The following PDE3A variants were observed in gnomAD, a reference collection of about 807,000 sequenced individuals.
PDE3A encodes the protein phosphodiesterase 3A.
PDE3A carries 43 observed loss-of-function variants against 98.3 expected under a neutral mutation model. That is an observed-to-expected ratio of 0.44 (90% confidence interval 0.34 to 0.56). PDE3A has a LOEUF of 0.56. Among genes scored for constraint, PDE3A ranks in the 20% least tolerant of loss-of-function variants. The pLI, the probability that PDE3A is intolerant of heterozygous loss-of-function variation, is 0.01. For missense variants in PDE3A, 1,427 were observed against 1,440.7 expected (o/e 0.99, Z 0.15); for synonymous variants, 663 against 567.9 (o/e 1.17, Z -2.38).
At chr12:20,577,513 A>G (rs1942963745) in intron 2 of PDE3A, among the ~76,000 whole-genome samples, 1 of 152,166 alleles carries the variant, frequency 6.6e-6, no homozygotes, top group Non-Finnish European at 1.5e-5. Context: ...ATTCAGTTTA[A>G]TGTGTGTTTT....
intron 14 of PDE3A, among the ~76,000 whole-genome samples, chr12:20,651,761 T>C (rs1944923306): frequency 1.1e-5 from 1 of 88,274 alleles, no homozygotes; most frequent in Non-Finnish European, 2.3e-5. Flanking sequence ...ATATATAGAA[T>C]GAAAGATTTT....
intron 4 of PDE3A, among the ~76,000 whole-genome samples, chr12:20,618,627 A>G (rs1352020973): frequency 2.0e-5 from 3 of 152,106 alleles, no homozygotes; most frequent in Non-Finnish European, 4.4e-5. Context: ...TTAGCCTGCC[A>G]GAATCTCTGT....
In PDE3A at chr12:20,542,162, A is replaced by G. The variant is rs550650691; in HGVS notation, c.961-14498A>G. Among the ~76,000 whole-genome samples, 13 of 152,194 alleles carry G rather than the reference A, an allele frequency of 8.5e-5. No homozygotes were observed. In the East Asian group the frequency reaches 2.3e-3, roughly 27 times the overall value. ...TTTTGCTGAAGGTTTCTTGGCACTT[A>G]TGAAAACTTCATTGAATGAAATAAG... On this transcript the variant is annotated intron_variant, in intron 1 of 15. Transcript: ENST00000359062.
At chr12:20,381,789 ATC>A (rs1386109431) in intron 1 of PDE3A, among the ~76,000 whole-genome samples, 2 of 151,910 alleles carry the variant, frequency 1.3e-5, no homozygotes, top group Non-Finnish European at 2.9e-5. Flanking sequence ...GTTATTTAAT[ATC>A]TCTGAACTTT....
intron 1 of PDE3A, among the ~76,000 whole-genome samples, chr12:20,408,675 G>A (rs1045235683): frequency 1.3e-5 from 2 of 151,894 alleles, no homozygotes; most frequent in Non-Finnish European, 2.9e-5. Context: ...TTCCATGTTT[G>A]TATTTTGTAA....
intron 2 of PDE3A, among the ~76,000 whole-genome samples, chr12:20,572,392 T>A (rs560283954): frequency 2.6e-5 from 4 of 152,232 alleles, no homozygotes; most frequent in African/African-American, 7.2e-5. Context: ...CTAGAATGAT[T>A]TTTTAAGATG....
intron 1 of PDE3A, among the ~76,000 whole-genome samples, chr12:20,474,692 G>A (rs1945497970): frequency 6.6e-6 from 1 of 152,056 alleles, no homozygotes; most frequent in Non-Finnish European, 1.5e-5. Flanking sequence ...ATCTTCAAAG[G>A]CAGCAGTTTA....
intron 15 of PDE3A, among the ~76,000 whole-genome samples, chr12:20,673,017 A>G (rs928983221): frequency 3.6e-4 from 54 of 151,532 alleles, no homozygotes; most frequent in African/African-American, 1.3e-3. Flanking sequence ...AAAACAAACA[A>G]CCCCATCAAA....
At chr12:20,507,956 G>A (rs367543303) in intron 1 of PDE3A, among the ~76,000 whole-genome samples, 2 of 152,144 alleles carry the variant, frequency 1.3e-5, no homozygotes, top group African/African-American at 4.8e-5. Flanking sequence ...GTCAGTTAAT[G>A]TCACTCCTCT....
intron 1 of PDE3A, chr12:20,551,891 T>C: frequency 6.2e-7 from 1 of 1,613,452 alleles, no homozygotes; most frequent in East Asian, 2.2e-5. Context: ...TACGGACCCA[T>C]CCCGGGGATC....
At position 20,657,657 on chromosome 12, in the gene PDE3A, A is replaced by G. The variant is rs377353335; in HGVS notation, c.3184+3452A>G. ...TCCTTTCAAAAGGTTCCAGTACAGA[A>G]CAATTTGGCTCCCAATACAGGCATG... On this transcript the variant is annotated intron_variant, in intron 15 of 15. Transcript: ENST00000359062. Among the ~76,000 whole-genome samples, 39 of 152,324 alleles carry G rather than the reference A, an allele frequency of 2.6e-4. No homozygotes were observed. The East Asian group carries it at 5.8e-3, about 23-fold the overall frequency.
At chr12:20,603,715 C>T (rs981569510) in intron 2 of PDE3A, among the ~76,000 whole-genome samples, 1 of 152,070 alleles carries the variant, frequency 6.6e-6, no homozygotes, top group Non-Finnish European at 1.5e-5. Context: ...AATGTTTCAC[C>T]AACAATAATG....
intron 2 of PDE3A, among the ~76,000 whole-genome samples, chr12:20,605,451 A>G (rs1016628713): frequency 2.6e-5 from 4 of 152,214 alleles, no homozygotes; most frequent in Non-Finnish European, 5.9e-5. Context: ...TTTTAAATGT[A>G]AAATGCTTAA....
chr12:20,527,009 C>A (rs961856613), intron 1 of PDE3A, among the ~76,000 whole-genome samples: 3 of 151,656 alleles, frequency 2.0e-5, no homozygotes, highest in Admixed American at 2.0e-4. Flanking sequence ...ACCTCCGCCT[C>A]CCAGGTTCAA....
chr12:20,442,927 G>A (rs1944893168), intron 1 of PDE3A, among the ~76,000 whole-genome samples: 2 of 151,962 alleles, frequency 1.3e-5, no homozygotes, highest in Admixed American at 6.6e-5. Context: ...AAAATAGGTT[G>A]CATTATTCTT....
chr12:20,431,865 A>C (rs1944704648), intron 1 of PDE3A, among the ~76,000 whole-genome samples: 2 of 152,224 alleles, frequency 1.3e-5, no homozygotes, highest in Admixed American at 6.5e-5. Flanking sequence ...CACATTTTGC[A>C]GTTGTTGTAA....
At chr12:20,483,344 G>A (rs1945666915) in intron 1 of PDE3A, among the ~76,000 whole-genome samples, 1 of 151,996 alleles carries the variant, frequency 6.6e-6, no homozygotes, top group Non-Finnish European at 1.5e-5. Flanking sequence ...AGCCGAGATC[G>A]CACCACTGCA....
At chr12:20,642,428 G>C (rs545115026) in intron 10 of PDE3A, among the ~76,000 whole-genome samples, 2 of 152,192 alleles carry the variant, frequency 1.3e-5, no homozygotes, top group African/African-American at 2.4e-5. Context: ...ATAAATTAAT[G>C]TATGGTGAAT....
At chr12:20,672,160 A>G (rs1321147856) in intron 15 of PDE3A, among the ~76,000 whole-genome samples, 1 of 149,610 alleles carries the variant, frequency 6.7e-6, no homozygotes, top group African/African-American at 2.5e-5. Flanking sequence ...GGACCTCTTC[A>G]AGGAGAACTA....
Sources: allele counts gnomAD v4.1 joint callset (sites outside exome capture counted in the v4.1 genomes callset), GRCh38; gene constraint gnomAD v4.1.1; transcripts MANE v1.5; gene names NCBI Gene and HGNC (gene_info 2026-07-23, HGNC 2026-07-21).